The following DIP2C variants were observed in gnomAD, a reference collection of about 807,000 sequenced individuals.
The protein encoded by DIP2C is disco-interacting protein 2 homolog C.
DIP2C carries 33 observed loss-of-function variants against 192.4 expected under a neutral mutation model. The ratio of observed to expected loss-of-function variants is 0.17; its 90% CI spans 0.13 to 0.23. DIP2C has a LOEUF of 0.23. Among genes scored for constraint, DIP2C ranks in the 10% least tolerant of loss-of-function variants. DIP2C has a pLI of 1.00. For missense variants in DIP2C, 1,537 were observed against 2,110.1 expected (o/e 0.73, Z 5.32); for synonymous variants, 979 against 864.1 (o/e 1.13, Z -2.33).
intron 17 of DIP2C, among the ~76,000 whole-genome samples, chr10:380,646 A>G (rs1296040634): frequency 6.6e-6 from 1 of 152,246 alleles, no homozygotes; most frequent in Non-Finnish European, 1.5e-5. Flanking sequence ...CTTCTTTAAA[A>G]AACATAAGGA....
At chr10:598,855 AATT>A (rs930009875) in intron 1 of DIP2C, among the ~76,000 whole-genome samples, 6 of 152,320 alleles carry the variant, frequency 3.9e-5, no homozygotes, top group African/African-American at 1.4e-4. Flanking sequence ...ACTCTGCATC[AATT>A]ATTTTGAAAC....
chr10:679,087 G>C (rs1236736203), intron 1 of DIP2C, among the ~76,000 whole-genome samples: 5 of 16,918 alleles, frequency 3.0e-4, no homozygotes, highest in African/African-American at 7.7e-4. Flanking sequence ...CCACACCCGT[G>C]CTCCCCGCAC....
rs180748739 is a variant in DIP2C at position 507,723 on chromosome 10, T to C, written c.86-21193A>G. 2.1e-3 allele frequency among the ~76,000 whole-genome samples: 321 copies of C among 151,626 alleles called. 1 individual carries two copies. The highest frequency in any genetic ancestry group is 4.5e-3 in the Admixed American group (68 of 15,276). Reference sequence around the variant, plus strand: ...AGGTGAGTTTGTTCCCGCACATTCCTTTCAGTACTGACGATTGAAGATCGA... The same window carrying C: ...AGGTGAGTTTGTTCCCGCACATTCCCTTCAGTACTGACGATTGAAGATCGA... On this transcript the variant is annotated intron_variant, in intron 1 of 36. Transcript: ENST00000280886.
rs775934914 is a variant in DIP2C at position 384,044 on chromosome 10, G to A, written c.1859C>T (p.Ala620Val). The part of the protein sequence containing the change: ...NLSSLRMLIV[A>V]DGANPWSISS... ...TCACTTACAGGGGTTCGCGCCGTCCGCCACTATCAGCATTCGCAGAGAGGA... is the reference window on the plus strand; with the variant it reads ...TCACTTACAGGGGTTCGCGCCGTCCACCACTATCAGCATTCGCAGAGAGGA... Residue 620 changes from alanine (A) to valine (V), a missense_variant, in exon 16 of 37, where the codon GCG becomes GTG. By Grantham distance (64) the Ala-to-Val change is moderately conservative. Around this residue, in one of 4 missense-constraint regions of DIP2C, gnomAD observed 677 missense variants for 989.9 expected, o/e 0.68. Transcript: ENST00000280886. 7 of 1,604,486 alleles carry A rather than the reference G, an allele frequency of 4.4e-6. No individual in the cohort carries two copies. Among genetic ancestry groups the A allele is most frequent in the East Asian group, 2.3e-5 (1 of 44,110 alleles).
chr10:643,346 T>A (rs1001899609), intron 1 of DIP2C, among the ~76,000 whole-genome samples: 2 of 152,044 alleles, frequency 1.3e-5, no homozygotes, highest in Non-Finnish European at 2.9e-5. Context: ...ACCCCGTCTC[T>A]ACTAAAAATA....
In DIP2C at chr10:505,322, C is replaced by T. The variant is rs549467632; in HGVS notation, c.86-18792G>A. On this transcript the variant is annotated intron_variant, in intron 1 of 36. Transcript: ENST00000280886. ...GGAGCTATCTTAGGAGGCAACAAGA[C>T]GCTCTTCAGGAAACAGGAGAAAGCA... 7.2e-5 allele frequency among the ~76,000 whole-genome samples: 11 copies of T among 152,334 alleles called. No homozygotes were observed. In the South Asian group the frequency reaches 8.3e-4, roughly 11 times the overall value.
chr10:544,607 G>C (rs1266231984), intron 1 of DIP2C, among the ~76,000 whole-genome samples: 1 of 152,104 alleles, frequency 6.6e-6, no homozygotes, highest in Non-Finnish European at 1.5e-5. Context: ...TCACCGTCCA[G>C]TACTGGGGTT....
intron 3 of DIP2C, among the ~76,000 whole-genome samples, chr10:463,001 T>C (rs549787115): frequency 2.0e-5 from 3 of 152,332 alleles, no homozygotes; most frequent in South Asian, 2.1e-4. Flanking sequence ...AAACTAGATA[T>C]TGATGGAACA....
chr10:539,681 T>C (rs1187649575), intron 1 of DIP2C, among the ~76,000 whole-genome samples: 3 of 152,276 alleles, frequency 2.0e-5, no homozygotes, highest in Non-Finnish European at 4.4e-5. Flanking sequence ...AGACTTGACA[T>C]GTTCTTATCT....
chr10:664,049 G>A (rs370367590), intron 1 of DIP2C: 253 of 137,764 alleles, frequency 1.8e-3, no homozygotes, highest in African/African-American at 7.6e-3. Flanking sequence ...GGGCTCCAGG[G>A]GGCCACACCA....
intron 1 of DIP2C, among the ~76,000 whole-genome samples, chr10:559,119 C>T (rs912865377): frequency 6.6e-6 from 1 of 152,200 alleles, no homozygotes; most frequent in African/African-American, 2.4e-5. Flanking sequence ...TTCTCCTTTC[C>T]ACTAGAATTA....
At chr10:543,334 C>T (rs1336214184) in intron 1 of DIP2C, among the ~76,000 whole-genome samples, 1 of 152,252 alleles carries the variant, frequency 6.6e-6, no homozygotes, top group Admixed American at 6.5e-5. Flanking sequence ...CGTACACAGA[C>T]ACCACACAGA....
intron 32 of DIP2C, among the ~76,000 whole-genome samples, chr10:293,418 C>T (rs1955589675): frequency 6.6e-6 from 1 of 152,184 alleles, no homozygotes; most frequent in Non-Finnish European, 1.5e-5. Flanking sequence ...GAAAAAACAA[C>T]CAAAACTTTT....
chr10:521,691 T>C (rs1248444545), intron 1 of DIP2C, among the ~76,000 whole-genome samples: 2 of 152,236 alleles, frequency 1.3e-5, no homozygotes, highest in African/African-American at 4.8e-5. Flanking sequence ...TGTATTCTAA[T>C]GGGGAAATCC....
intron 1 of DIP2C, among the ~76,000 whole-genome samples, chr10:536,508 G>GC (rs1847705429): frequency 6.6e-6 from 1 of 152,156 alleles, no homozygotes; most frequent in African/African-American, 2.4e-5. Flanking sequence ...TCCCAGGGGG[G>GC]CCAGCGTTGT....
At chr10:319,421 TAATA>T (rs373490915) in intron 31 of DIP2C, among the ~76,000 whole-genome samples, 6 of 152,358 alleles carry the variant, frequency 3.9e-5, no homozygotes, top group African/African-American at 7.2e-5. Context: ...GTTTTTTTCC[TAATA>T]AATAAACAAC....
At chr10:498,366 C>T (rs1844999249) in intron 1 of DIP2C, among the ~76,000 whole-genome samples, 1 of 152,164 alleles carries the variant, frequency 6.6e-6, no homozygotes, top group Non-Finnish European at 1.5e-5. Context: ...TGAAGGAAGT[C>T]CTCAGAGCCC....
At chr10:570,331 A>G (rs74427641) in intron 1 of DIP2C, among the ~76,000 whole-genome samples, 1,597 of 152,288 alleles carry the variant, frequency 0.01, 31 homozygotes, top group African/African-American at 0.036. Flanking sequence ...GGCCAAGCAC[A>G]GGGCCCTGCT....
intron 9 of DIP2C, 49 bp downstream of exon 9, chr10:408,877 C>T: frequency 1.3e-6 from 2 of 1,591,332 alleles, no homozygotes; most frequent in Non-Finnish European, 8.6e-7. Flanking sequence ...GCACCTTTTC[C>T]CACAGGACTC....
Sources: gnomAD v4.1 joint callset for allele counts (sites outside exome capture counted in the v4.1 genomes callset) on GRCh38, gnomAD v4.1.1 for gene constraint, gnomAD v4.1.1 regional missense constraint, MANE v1.5 for transcripts, NCBI Gene and HGNC (gene_info 2026-07-23, HGNC 2026-07-21) for gene names.